MAP3K6: variants seen among roughly 807,000 people sequenced by gnomAD.
The protein encoded by MAP3K6 is mitogen-activated protein kinase kinase kinase 6.
Under a neutral mutation model 147.1 loss-of-function variants are expected in MAP3K6, and 105 were observed. The ratio of observed to expected loss-of-function variants is 0.71; its 90% CI spans 0.61 to 0.84. The LOEUF is 0.84. Ranked by LOEUF, MAP3K6 falls within the 40% of genes least tolerant of loss-of-function variation. MAP3K6 has a pLI of 0.00. For synonymous variants in MAP3K6, 695 were observed against 732.4 expected (o/e 0.95, Z 0.82); for missense variants, 1,569 against 1,715.0 (o/e 0.91, Z 1.50).
At position 27,362,975 on chromosome 1, in the gene MAP3K6, G is replaced by A. The variant is rs1165793785; in HGVS notation, c.1018C>T (p.Pro340Ser). The change falls in exon 7 of 29, where the codon CCG becomes TCG. Residue 340 changes from proline (P) to serine (S), a missense_variant. Pro to Ser is a moderately conservative substitution (Grantham distance 74). Coordinates refer to ENST00000357582, the MANE Select transcript of MAP3K6 (RefSeq NM_004672.5). ...ACAGAGCCCTCAAGCTGTACCAGCG[G>A]CAGCAGCACAGACAGGGCCTTCGCC... ...DRAKALSVLL[P>S]LVQLEGSVAP... The A allele has an allele frequency of 1.9e-6, 3 of 1,613,904 alleles. No homozygotes were observed. Among genetic ancestry groups the A allele is most frequent in the East Asian group, 4.5e-5 (2 of 44,896 alleles).
intron 22 of MAP3K6, 40 bp downstream of exon 22, chr1:27,357,671 C>A: frequency 3.7e-6 from 6 of 1,602,558 alleles, no homozygotes; most frequent in Non-Finnish European, 5.1e-6. Context: ...GTGTCCTGAC[C>A]CTTTGCGACC....
rs1160516565 is a variant in MAP3K6, at chr1:27,356,021, C to G, written c.3711+5G>C. Reference sequence around the variant, plus strand: ...TCAGGGATAGCCAAGCACTCCCCGACTCACCATTTGGATGGTGCCTGAATC... The same window carrying G: ...TCAGGGATAGCCAAGCACTCCCCGAGTCACCATTTGGATGGTGCCTGAATC... On this transcript the variant is annotated splice_donor_5th_base_variant and intron_variant, in intron 27 of 28. Transcript: ENST00000357582. 1 of 1,613,940 alleles carries G rather than the reference C, an allele frequency of 6.2e-7. No individual in the cohort carries two copies. Among genetic ancestry groups the G allele is most frequent in the Non-Finnish European group, 8.5e-7 (1 of 1,179,818 alleles).
Position 27,363,975 on chromosome 1 carries a change from A to C in MAP3K6, c.806T>G (p.Val269Gly), listed in dbSNP as rs151187784. ...LARLQRRLDS[V>G]ELLSPDIIMN... is the part of the protein sequence containing the mutation. Reference sequence around the variant, plus strand: ...GATGATGTCGGGGCTCAGCAGCTCCACGCTGTCCAGTCTCCGCTGCAGGCG... The same window carrying C: ...GATGATGTCGGGGCTCAGCAGCTCCCCGCTGTCCAGTCTCCGCTGCAGGCG... The change falls in exon 5 of 29, where the codon GTG (valine) becomes GGG (glycine). Residue 269 changes from valine (V) to glycine (G), a missense_variant. By Grantham distance (109) the Val-to-Gly change is moderately radical (BLOSUM62 -3). Transcript: ENST00000357582. 92 of 1,610,372 alleles carry C rather than the reference A, an allele frequency of 5.7e-5. No homozygotes were observed. Among genetic ancestry groups the C allele is most frequent in the African/African-American group, 1.3e-5 (1 of 74,938 alleles).
chr1:27,357,642 G>A (rs2148048019), intron 22 of MAP3K6, 66 bp from the exon 23 acceptor site: 1 of 1,588,506 alleles, frequency 6.3e-7, no homozygotes, highest in Non-Finnish European at 8.6e-7. Context: ...GCGGAGGTAG[G>A]GGGCGGGGAC....
In MAP3K6 at chr1:27,363,272, C is replaced by T. The variant is rs4525067; in HGVS notation, c.971+170G>A. ...ACAGGCAGCACCACCTCCCCCACCC[C>T]GACCCAGGCAGCAGTAACTCAGAAC... On this transcript the variant is annotated intron_variant, in intron 6 of 28. Transcript: ENST00000357582. 0.23 allele frequency among the ~76,000 whole-genome samples: 34,331 copies of T among 151,956 alleles called. 4,910 individuals carry two copies. The highest frequency in any genetic ancestry group is 0.33 in the Middle Eastern group (97 of 292).
rs370816021 is a variant in MAP3K6, at chr1:27,364,278, C to A, written c.621G>T (p.Val207=). ...GLADGLVQAG[V]GTEALLTPLV... is the part of the protein sequence containing the mutation. ...GGGGAGTGAGCAGGGCCTCGGTCCC[C>A]ACTCCAGCCTGTACCAGCCCATCAG... Residue 207 remains valine, a synonymous_variant, in exon 4 of 29, where the codon GTG becomes GTT. Coordinates refer to ENST00000357582, the MANE Select transcript of MAP3K6 (RefSeq NM_004672.5). This position sits in a 1 kb window ranked among gnomAD's most constrained non-coding sequence, Gnocchi z 4.4. 3 of 1,613,842 alleles carry A rather than the reference C, an allele frequency of 1.9e-6. No homozygotes were observed. The highest frequency in any genetic ancestry group is 2.5e-6 in the Non-Finnish European group (3 of 1,180,046).
In MAP3K6 at chr1:27,364,697, G is replaced by T; in HGVS notation, c.481-13C>A. 1 of 1,614,200 alleles carries T rather than the reference G, an allele frequency of 6.2e-7. No homozygotes were observed. ...GGAAAACATCCTCCTGCAGGAGGCA[G>T]ACAGTCAGATACTGGTGTTCTGTGT... On this transcript the variant is annotated splice_polypyrimidine_tract_variant and intron_variant, in intron 2 of 28. Transcript: ENST00000357582. This position sits in a 1 kb window ranked among gnomAD's most constrained non-coding sequence, Gnocchi z 4.4.
Position 27,358,014 on chromosome 1 carries a change from G to A in MAP3K6, c.2916-138C>T. ...ACATAGATAAACCCCGCACTGAGAG[G>A]ACACAACAAGTCCAAGTTAGAGTTG... On this transcript the variant is annotated intron_variant, in intron 21 of 28. Coordinates refer to ENST00000357582, the MANE Select transcript of MAP3K6 (RefSeq NM_004672.5). The surrounding 1 kb of genome is among the most constrained non-coding windows in gnomAD (Gnocchi z 6.2). 4.7e-6 allele frequency: 7 copies of A among 1,475,496 alleles called. No individual in the cohort carries two copies. The highest frequency in any genetic ancestry group is 4.5e-6 in the Non-Finnish European group (5 of 1,113,740). The allele number at this position is 1,475,496 out of a possible 1,614,324, so 91.4% of individuals were successfully genotyped here. A position where few individuals can be genotyped will look rare whatever the true frequency, so the allele number is the denominator to read the frequency against.
In MAP3K6 at chr1:27,364,821, A is replaced by G. The variant is rs139961602; in HGVS notation, c.432T>C (p.Asn144=). 37 of 1,613,438 alleles carry G rather than the reference A, an allele frequency of 2.3e-5. No homozygotes were observed. Among genetic ancestry groups the G allele is most frequent in the Non-Finnish European group, 3.1e-5 (36 of 1,179,442 alleles). ...GGTCGGCCTGGGAGCAGAGGAGCACATTGTTGGTCATGCTGAAGCTCTCAC... is the reference window on the plus strand; with the variant it reads ...GGTCGGCCTGGGAGCAGAGGAGCACGTTGTTGGTCATGCTGAAGCTCTCAC... ...GVRESFSMTN[N]VLLCSQADLP... The change falls in exon 2 of 29, where the codon AAT becomes AAC. Residue 144 remains asparagine (N), a synonymous_variant. Transcript: ENST00000357582. The surrounding 1 kb of genome is among the most constrained non-coding windows in gnomAD (Gnocchi z 4.4).
chr1:27,364,585 CA>C lies in MAP3K6; in HGVS notation c.504+75del, dbSNP rs1224019464. ...TGGGGGGTTAGGTGACTGAGGAGGC[CA>C]GGGGGATTAGTGGAGGTCAGAGGTC... On this transcript the variant is annotated intron_variant, in intron 3 of 28. Coordinates refer to ENST00000357582, the MANE Select transcript of MAP3K6 (RefSeq NM_004672.5). The surrounding 1 kb of genome is among the most constrained non-coding windows in gnomAD (Gnocchi z 4.4). 33 of 1,605,138 alleles carry C rather than the reference CA, an allele frequency of 2.1e-5. No homozygotes were observed. The highest frequency in any genetic ancestry group is 4.4e-5 in the South Asian group (4 of 90,816).
chr1:27,363,336 AT>A, intron 6 of MAP3K6, 105 bp downstream of exon 6: 1 of 962,516 alleles, frequency 1.0e-6, no homozygotes, highest in Non-Finnish European at 1.5e-6. Flanking sequence ...CGGTCAGCAA[AT>A]TCCCCGAACA....
rs1488409114 is a variant in MAP3K6, at chr1:27,357,485, T to TTGCAGCG, written c.3172_3173insCGCTGCA (p.Glu1058AlafsTer82). The TTGCAGCG allele has an allele frequency of 6.2e-7, 1 of 1,613,458 alleles. No individual in the cohort carries two copies. ...CAGCCGTCCTTGCAGCGCCCGCAGC[T>TTGCAGCG]CCTGGGCGAGCTGCCGGCGGTTGGG... On this transcript the variant is annotated frameshift_variant, in exon 23 of 29. Coordinates refer to ENST00000357582, the MANE Select transcript of MAP3K6 (RefSeq NM_004672.5). LOFTEE classifies it high-confidence loss of function.
Position 27,363,449 on chromosome 1 carries a change from G to A in MAP3K6, c.964C>T (p.Leu322Phe). 4 of 1,612,526 alleles carry A rather than the reference G, an allele frequency of 2.5e-6. No homozygotes were observed. The highest frequency in any genetic ancestry group is 3.4e-6 in the Non-Finnish European group (4 of 1,179,174). Residue 322 changes from leucine to phenylalanine, a missense_variant, in exon 6 of 29, where the codon CTC becomes TTC. By Grantham distance (22) the Leu-to-Phe change is conservative. Transcript: ENST00000357582. ...CCTTGCTCTGCCACTCACCGGTTGA[G>A]GGCAAAAGTGTAGTGGAAGCAGACA... ...HNVCFHYTFALNRRNRPGDRA... is the reference protein window; with the variant it reads ...HNVCFHYTFAFNRRNRPGDRA...
In MAP3K6 at chr1:27,358,686, G is replaced by T; in HGVS notation, c.2583+23C>A. ...AGGCTGGCCCTATGCCACTTCCATG[G>T]GCCAGGCCCAAAGAGGTCTCACCTG... On this transcript the variant is annotated intron_variant, in intron 19 of 28. Coordinates refer to ENST00000357582, the MANE Select transcript of MAP3K6 (RefSeq NM_004672.5). The surrounding 1 kb of genome is among the most constrained non-coding windows in gnomAD (Gnocchi z 6.2). 6.2e-7 allele frequency: 1 copy of T among 1,613,602 alleles called. No individual in the cohort carries two copies. Among genetic ancestry groups the T allele is most frequent in the Non-Finnish European group, 8.5e-7 (1 of 1,179,958 alleles).
In MAP3K6 at chr1:27,360,606, C is replaced by A; in HGVS notation, c.2054+99G>T. 1 of 1,480,756 alleles carries A rather than the reference C, an allele frequency of 6.8e-7. No homozygotes were observed. 91.7% of individuals were successfully genotyped at this position (1,480,756 alleles called of 1,614,324 possible). A position where few individuals can be genotyped will look rare whatever the true frequency, so the allele number is the denominator to read the frequency against. On this transcript the variant is annotated intron_variant, in intron 15 of 28. Transcript: ENST00000357582. This position sits in a 1 kb window ranked among gnomAD's most constrained non-coding sequence, Gnocchi z 4.5. ...CTCGAACTCTCAGGTCCTACGAGCC[C>A]GCCCACTAGGCCCCGCCCACAGGAG...
rs55841735 is a variant in MAP3K6 at position 27,362,252 on chromosome 1, T to C, written c.1256-2A>G. ...CCAGCAGGCAGCCCAGCTTCATGCC[T>C]GGGGGAGAGAGGCATGGGCTCCAGT... On this transcript the variant is annotated splice_acceptor_variant, in intron 8 of 28. Coordinates refer to ENST00000357582, the MANE Select transcript of MAP3K6 (RefSeq NM_004672.5). LOFTEE classifies it high-confidence loss of function. 5,907 of 1,608,252 alleles carry C rather than the reference T, an allele frequency of 3.7e-3. 20 individuals are homozygous for C. The highest frequency in any genetic ancestry group is 4.5e-3 in the Admixed American group (271 of 59,714).
intron 8 of MAP3K6, 133 bp from the exon 9 acceptor site, chr1:27,362,383 G>C (rs1396848264): frequency 2.1e-6 from 2 of 933,286 alleles, no homozygotes; most frequent in African/African-American, 1.7e-5. Context: ...TCTCGGGTGG[G>C]AACAGGAGCT....
rs774833523 is a variant in MAP3K6 at position 27,358,605 on chromosome 1, T to G, written c.2590A>C (p.Met864Leu). 1 of 1,613,606 alleles carries G rather than the reference T, an allele frequency of 6.2e-7. No homozygotes were observed. Among genetic ancestry groups the G allele is most frequent in the Non-Finnish European group, 8.5e-7 (1 of 1,179,808 alleles). The change falls in exon 20 of 29, where the codon ATG (methionine) becomes CTG (leucine). Residue 864 changes from methionine to leucine, a missense_variant. Physicochemically the swap from Met to Leu is conservative, Grantham distance 15 (BLOSUM62 2). Coordinates refer to ENST00000357582, the MANE Select transcript of MAP3K6 (RefSeq NM_004672.5). This position sits in a 1 kb window ranked among gnomAD's most constrained non-coding sequence, Gnocchi z 6.2. ...GGCATTGGCGGATGGACCTTGTACA[T>G]ACCCACCTGTGGGGGGAGGGTGAAC... ...SPQAAMFQVG[M>L]YKVHPPMPSS... is the part of the protein sequence containing the mutation.
At chr1:27,363,078 G>A (rs2015843869) in intron 6 of MAP3K6, 57 bp from the exon 7 acceptor site, 12 of 1,493,282 alleles carry the variant, frequency 8.0e-6, no homozygotes, top group Admixed American at 2.3e-5. Flanking sequence ...TCTGTCCAGG[G>A]ACCTCTAGAC....
Sources: allele counts gnomAD v4.1 joint callset (sites outside exome capture counted in the v4.1 genomes callset), GRCh38; gene constraint gnomAD v4.1.1; non-coding constraint Gnocchi (gnomAD v3.1); transcripts MANE v1.5; gene names NCBI Gene and HGNC (gene_info 2026-07-23, HGNC 2026-07-21).